The following ATP10B variants were observed in gnomAD, a reference collection of about 807,000 sequenced individuals.
ATP10B encodes the protein ATPase phospholipid transporting 10B (putative).
Under a neutral mutation model 141.2 loss-of-function variants are expected in ATP10B, and 122 were observed. That is an observed-to-expected ratio of 0.86 (90% CI 0.75 to 1.00). The LOEUF is 1.00. ATP10B is among the 50% of genes least tolerant of loss of function. ATP10B has a pLI of 0.00. For missense variants in ATP10B, 1,876 were observed against 1,825.3 expected, an observed-to-expected ratio of 1.03 and a Z score of -0.51; for synonymous variants, 685 against 692.0, an observed-to-expected ratio of 0.99 and a Z score of 0.16.
At chr5:160,849,606 T>C (rs1177305206) in intron 1 of ATP10B, among the ~76,000 whole-genome samples, 1 of 92,598 alleles carries the variant, frequency 1.1e-5, no homozygotes, top group East Asian at 4.8e-4. Flanking sequence ...ATTATTGAAT[T>C]GTACTGGCAA....
rs75242194 is a variant in ATP10B at position 160,760,246 on chromosome 5, G to T, written c.-331+25313C>A. Reference sequence around the variant, plus strand: ...TACAAACACTTGTAATAGCAGGCTTGTAGCTCAGCAAAAGGAGGTGTGACC... The same window carrying T: ...TACAAACACTTGTAATAGCAGGCTTTTAGCTCAGCAAAAGGAGGTGTGACC... On this transcript the variant is annotated intron_variant, in intron 2 of 25. Transcript: ENST00000327245. 8.1e-3 allele frequency among the ~76,000 whole-genome samples: 1,240 copies of T among 152,302 alleles called. 16 individuals are homozygous for T. Among genetic ancestry groups the T allele is most frequent in the African/African-American group, 0.029 (1,196 of 41,568 alleles).
the ATP10B span, among the ~76,000 whole-genome samples, chr5:160,891,720 G>A: frequency 1.3e-5 from 2 of 152,214 alleles, no homozygotes; most frequent in Non-Finnish European, 2.9e-5. Context: ...TTACAGGTGT[G>A]AGCCACTGTG....
chr5:160,732,900 T>A lies in ATP10B; in HGVS notation c.-330-15866A>T, dbSNP rs912887476. Among the ~76,000 whole-genome samples the A allele has an allele frequency of 5.9e-5, 9 of 152,164 alleles. 1 individual carries two copies. The highest frequency in any genetic ancestry group is 5.9e-4 in the Admixed American group (9 of 15,274). Reference sequence around the variant, plus strand: ...CTCTGTTGCCCGTGCTACGGTGCAGTGGCACAATCATAACTCACTGCATCC... The same window carrying A: ...CTCTGTTGCCCGTGCTACGGTGCAGAGGCACAATCATAACTCACTGCATCC... On this transcript the variant is annotated intron_variant, in intron 2 of 25. Transcript: ENST00000327245.
At chr5:160,830,409 C>A (rs1302541874) in intron 1 of ATP10B, among the ~76,000 whole-genome samples, 1 of 152,064 alleles carries the variant, frequency 6.6e-6, no homozygotes, top group Non-Finnish European at 1.5e-5. Flanking sequence ...ATGTTCAATA[C>A]ATGTGTGCTG....
chr5:160,755,870 T>TAC (rs1221168101), intron 2 of ATP10B, among the ~76,000 whole-genome samples: 51 of 110,508 alleles, frequency 4.6e-4, no homozygotes, highest in African/African-American at 2.2e-3. Flanking sequence ...TATATATATA[T>TAC]ATATATATTA....
chr5:160,857,856 T>C, the ATP10B span, among the ~76,000 whole-genome samples: 10 of 151,926 alleles, frequency 6.6e-5, no homozygotes, highest in African/African-American at 2.4e-4. Context: ...TTCATTATGG[T>C]CAGAGAATGC....
intron 19 of ATP10B, among the ~76,000 whole-genome samples, chr5:160,606,404 T>C (rs1264718886): frequency 6.6e-6 from 1 of 152,210 alleles, no homozygotes. Context: ...AGTTGTGGCA[T>C]GCATAAAGTA....
intron 3 of ATP10B, among the ~76,000 whole-genome samples, chr5:160,702,511 TCTC>T (rs1764739271): frequency 6.6e-6 from 1 of 152,322 alleles, no homozygotes; most frequent in Non-Finnish European, 1.5e-5. Context: ...TCACTTGGGA[TCTC>T]CTCCTCAGAA....
intron 2 of ATP10B, among the ~76,000 whole-genome samples, chr5:160,769,130 AG>A (rs1165780505): frequency 1.3e-5 from 2 of 152,212 alleles, no homozygotes; most frequent in African/African-American, 2.4e-5. Context: ...GGAGCCATAT[AG>A]GGGTATTTGT....
At chr5:160,759,733 T>C (rs143394471) in intron 2 of ATP10B, among the ~76,000 whole-genome samples, 2 of 152,356 alleles carry the variant, frequency 1.3e-5, no homozygotes, top group Non-Finnish European at 2.9e-5. Flanking sequence ...ACCTTCCTCA[T>C]GCAAACTTTT....
chr5:160,602,967 T>C (rs1757176556), intron 20 of ATP10B: 1 of 343,712 alleles, frequency 2.9e-6, no homozygotes, highest in Non-Finnish European at 5.6e-6. Flanking sequence ...CCAGCAAGCA[T>C]TGACTGTGGC....
At chr5:160,596,539 C>A (rs1176503473) in intron 22 of ATP10B, among the ~76,000 whole-genome samples, 4 of 138,040 alleles carry the variant, frequency 2.9e-5, no homozygotes, top group East Asian at 4.2e-4. Context: ...GAAGTTCTGG[C>A]CAGGGAAATT....
intron 3 of ATP10B, among the ~76,000 whole-genome samples, chr5:160,715,872 G>A (rs1419187269): frequency 6.6e-6 from 1 of 151,866 alleles, no homozygotes; most frequent in African/African-American, 2.4e-5. Flanking sequence ...CACTACGCCT[G>A]GCTAATTTTT....
intron 6 of ATP10B, among the ~76,000 whole-genome samples, chr5:160,684,434 T>G (rs1421949): frequency 0.6 from 90,431 of 151,952 alleles, 28,316 homozygotes; most frequent in Middle Eastern, 0.74. Context: ...TCAGGCAGTG[T>G]GTCTCCTGTT....
intron 7 of ATP10B, among the ~76,000 whole-genome samples, chr5:160,650,824 T>G (rs575258242): frequency 3.9e-5 from 6 of 152,322 alleles, no homozygotes; most frequent in African/African-American, 1.4e-4. Flanking sequence ...GCCTTCTCCC[T>G]GTAACTGGTT....
chr5:160,734,530 TAA>T (rs941978694), intron 2 of ATP10B, among the ~76,000 whole-genome samples: 16 of 152,072 alleles, frequency 1.1e-4, no homozygotes, highest in East Asian at 1.9e-4. Context: ...TATTAAAAGT[TAA>T]GAGTTTATAT....
chr5:160,633,743 T>C (rs1159723749), intron 12 of ATP10B: 1 of 129,826 alleles, frequency 7.7e-6, no homozygotes, highest in Non-Finnish European at 1.6e-5. Context: ...TGTGTGTGTG[T>C]GTTGTGGGGG....
intron 2 of ATP10B, among the ~76,000 whole-genome samples, chr5:160,766,152 T>G (rs2127846770): frequency 1.2e-5 from 1 of 83,010 alleles, no homozygotes. Flanking sequence ...TGGAGATTCC[T>G]TAAAGAACTA....
chr5:160,695,389 A>G (rs1435540117), intron 3 of ATP10B, among the ~76,000 whole-genome samples: 1 of 152,170 alleles, frequency 6.6e-6, no homozygotes, highest in Non-Finnish European at 1.5e-5. Context: ...TTACAGAGGG[A>G]TGGGACCTTG....
Sources: allele counts gnomAD v4.1 joint callset (sites outside exome capture counted in the v4.1 genomes callset), GRCh38; gene constraint gnomAD v4.1.1; transcripts MANE v1.5; gene names NCBI Gene and HGNC (gene_info 2026-07-23, HGNC 2026-07-21).